ANKRD24: variants seen among roughly 807,000 people sequenced by gnomAD.
ANKRD24 encodes the protein ankyrin repeat domain 24, also known as ankyrin repeat domain-containing protein 24.
A neutral mutation model predicts 127.8 loss-of-function variants in ANKRD24; 109 were observed. The observed-to-expected ratio is 0.85, with a 90% CI of 0.73 to 1.00. The LOEUF (loss-of-function observed/expected upper bound fraction) is 1.00. Ranked by LOEUF, ANKRD24 falls within the 50% of genes least tolerant of loss-of-function variation. ANKRD24 has a pLI of 0.00. For missense variants in ANKRD24, 1,648 were observed against 1,570.2 expected (o/e 1.05, Z -0.84); for synonymous variants, 743 against 671.1 (o/e 1.11, Z -1.66).
chr19:4,219,975 C>A lies in ANKRD24; in HGVS notation c.3171+217C>A, dbSNP rs538715430. Among the ~76,000 whole-genome samples the A allele has an allele frequency of 1.1e-4, 16 of 152,266 alleles. No homozygotes were observed. In the South Asian group the frequency reaches 3.3e-3, roughly 32 times the overall value. On this transcript the variant is annotated intron_variant, in intron 19 of 21. Transcript: ENST00000318934. Reference sequence around the variant, plus strand: ...CAGGTACCAATTATAACCACAGTTACATTTATTTTATTTTTTTACTTGAGA... The same window carrying A: ...CAGGTACCAATTATAACCACAGTTAAATTTATTTTATTTTTTTACTTGAGA...
intron 5 of ANKRD24, 91 bp from the exon 6 acceptor site, chr19:4,201,934 GA>G (rs1427037669): frequency 1.1e-5 from 12 of 1,139,252 alleles, no homozygotes; most frequent in Non-Finnish European, 1.2e-5. Flanking sequence ...GCTAGACTCA[GA>G]AACTCATCAC....
chr19:4,224,248 C>T (rs1970618530), intron 21 of ANKRD24, 56 bp downstream of exon 21: 4 of 1,525,618 alleles, frequency 2.6e-6, no homozygotes, highest in Non-Finnish European at 3.6e-6. Flanking sequence ...CTGTTGCTCT[C>T]TGAGCCTCAG....
At chr19:4,211,003 T>C (rs959820768) in intron 13 of ANKRD24, among the ~76,000 whole-genome samples, 3 of 151,798 alleles carry the variant, frequency 2.0e-5, no homozygotes, top group Non-Finnish European at 4.4e-5. Context: ...CCAGCTAGTT[T>C]TGTATTTTTA....
intron 7 of ANKRD24, among the ~76,000 whole-genome samples, chr19:4,205,567 G>A (rs1033473336): frequency 6.6e-6 from 1 of 152,154 alleles, no homozygotes; most frequent in African/African-American, 2.4e-5. Flanking sequence ...AAATAGACAG[G>A]CCAGGCACAG....
chr19:4,215,999 T>C lies in ANKRD24; in HGVS notation c.1219T>C (p.Tyr407His). The change falls in exon 16 of 22, where the codon TAT (tyrosine) becomes CAT (histidine). Residue 407 changes from tyrosine (Y) to histidine (H), a missense_variant. Tyr to His is a moderately conservative substitution (Grantham distance 83, BLOSUM62 2). Coordinates refer to ENST00000318934, the MANE Select transcript of ANKRD24 (RefSeq NM_001393985.1). Reference protein sequence around the residue: ...LLENERENTSYDVTTLQDEEG... With the variant: ...LLENERENTSHDVTTLQDEEG... ...CCAGAACGAGCGGGAGAATACTAGCTATGACGTAACCACCCTGCAGGATGA... is the reference window on the plus strand; with the variant it reads ...CCAGAACGAGCGGGAGAATACTAGCCATGACGTAACCACCCTGCAGGATGA... 1 of 1,599,640 alleles carries C rather than the reference T, an allele frequency of 6.3e-7. No individual in the cohort carries two copies. Among genetic ancestry groups the C allele is most frequent in the Non-Finnish European group, 8.5e-7 (1 of 1,173,906 alleles).
chr19:4,222,615 CCT>C, intron 19 of ANKRD24, 53 bp from the exon 20 acceptor site: 3 of 1,513,436 alleles, frequency 2.0e-6, no homozygotes, highest in Non-Finnish European at 2.7e-6. Flanking sequence ...GCAGAGAGGT[CCT>C]CAGCCCCCAG....
intron 2 of ANKRD24, among the ~76,000 whole-genome samples, chr19:4,194,538 C>T (rs1432933308): frequency 2.6e-5 from 4 of 152,168 alleles, no homozygotes; most frequent in Admixed American, 6.6e-5. Flanking sequence ...ACGACTCACA[C>T]GTGTAAATAC....
chr19:4,207,991 A>G lies in ANKRD24; in HGVS notation c.832+23A>G, dbSNP rs777297305. On this transcript the variant is annotated intron_variant, in intron 10 of 21. Transcript: ENST00000318934. Reference sequence around the variant, plus strand: ...GCGGTATGCAAGCCCCACCTCCCCAATGCATTTGCTTCTTGGCAGCTTCTT... The same window carrying G: ...GCGGTATGCAAGCCCCACCTCCCCAGTGCATTTGCTTCTTGGCAGCTTCTT... 5.9e-5 allele frequency: 86 copies of G among 1,451,044 alleles called. No homozygotes were observed. In the East Asian group the frequency reaches 6.8e-4, roughly 12 times the overall value. The allele number at this position is 1,451,044 out of a possible 1,614,324, so 89.9% of individuals were successfully genotyped here.
In ANKRD24 at chr19:4,212,371, C is replaced by T. The variant is rs573774804; in HGVS notation, c.1060-104C>T. 22 of 1,344,184 alleles carry T rather than the reference C, an allele frequency of 1.6e-5. No homozygotes were observed. The African/African-American group carries it at 2.2e-4, about 13-fold the overall frequency. The allele number at this position is 1,344,184 out of a possible 1,614,324, so 83.3% of individuals were successfully genotyped here. ...ATTCAGTAGGTGCTGAATAGTTGCA[C>T]GTGGAATGCGTGAATGTGCATGGAA... On this transcript the variant is annotated intron_variant, in intron 13 of 21. Transcript: ENST00000318934.
At chr19:4,200,647 A>G (rs987168906) in intron 5 of ANKRD24, among the ~76,000 whole-genome samples, 1 of 152,034 alleles carries the variant, frequency 6.6e-6, no homozygotes, top group Non-Finnish European at 1.5e-5. Context: ...TCAGCCTCCC[A>G]AGTAGCTAGG....
chr19:4,202,755 G>T lies in ANKRD24; in HGVS notation c.409-114G>T, dbSNP rs750761174. On this transcript the variant is annotated intron_variant, in intron 6 of 21. Coordinates refer to ENST00000318934, the MANE Select transcript of ANKRD24 (RefSeq NM_001393985.1). The stretch of plus-strand genomic sequence containing the variant: ...TTCATGAAAATGGAGTCCCTTGGGG[G>T]CCACGGAAGGGTGAGGCTGAAGTAT... The T allele has an allele frequency of 1.1e-4, 117 of 1,091,964 alleles. 2 individuals are homozygous for T. The highest frequency in any genetic ancestry group is 7.9e-4 in the South Asian group (59 of 74,832). The allele number at this position is 1,091,964 out of a possible 1,614,324, so 67.6% of individuals were successfully genotyped here. A position where few individuals can be genotyped will look rare whatever the true frequency, so the allele number is the denominator to read the frequency against.
chr19:4,210,300 G>T lies in ANKRD24; in HGVS notation c.987G>T (p.Leu329=). ...DRDAYEEIVR[L]RQERGRLLQK... ...ATGCCTATGAGGAGATCGTGAGGCT[G>T]CGGCAGGAGAGGGGCCGCCTCCTGC... is the stretch of plus-strand genomic sequence containing the variant. Residue 329 remains leucine (L), a synonymous_variant, in exon 13 of 22, where the codon CTG becomes CTT. Transcript: ENST00000318934. The T allele has an allele frequency of 6.3e-7, 1 of 1,588,274 alleles. No individual in the cohort carries two copies. Among genetic ancestry groups the T allele is most frequent in the South Asian group, 1.2e-5 (1 of 86,948 alleles).
At position 4,217,919 on chromosome 19, in the gene ANKRD24, G is replaced by A. The variant is rs1370484629; in HGVS notation, c.2759G>A (p.Arg920His). Residue 920 changes from arginine to histidine, a missense_variant, in exon 18 of 22, where the codon CGC (arginine) becomes CAC (histidine). Arg to His is a conservative substitution (Grantham distance 29). Transcript: ENST00000318934. ...TCCGTGGTGCCGGCCTCTGAGCACCGCCGGCTGCAGGAGGAGGCCCTGGAG... is the reference window on the plus strand; with the variant it reads ...TCCGTGGTGCCGGCCTCTGAGCACCACCGGCTGCAGGAGGAGGCCCTGGAG... The part of the protein sequence containing the change: ...RQSVVPASEH[R>H]RLQEEALELR... 7 of 1,491,980 alleles carry A rather than the reference G, an allele frequency of 4.7e-6. No individual in the cohort carries two copies. Among genetic ancestry groups the A allele is most frequent in the Non-Finnish European group, 3.5e-6 (4 of 1,128,306 alleles). The allele number at this position is 1,491,980 out of a possible 1,614,324, so 92.4% of individuals were successfully genotyped here. A position where few individuals can be genotyped will look rare whatever the true frequency, so the allele number is the denominator to read the frequency against.
intron 7 of ANKRD24, among the ~76,000 whole-genome samples, chr19:4,204,670 G>A (rs1006747118): frequency 6.6e-6 from 1 of 152,176 alleles, no homozygotes; most frequent in Admixed American, 6.6e-5. Flanking sequence ...TTCAGGCATG[G>A]CTTTCGCTGA....
In ANKRD24 at chr19:4,217,269, G is replaced by GA. The variant is rs746611809; in HGVS notation, c.2110dup (p.Ile704AsnfsTer80). 1.7e-5 allele frequency: 27 copies of GA among 1,564,686 alleles called. No homozygotes were observed. Among genetic ancestry groups the GA allele is most frequent in the African/African-American group, 4.1e-5 (3 of 73,622 alleles). On this transcript the variant is annotated frameshift_variant, in exon 18 of 22. Coordinates refer to ENST00000318934, the MANE Select transcript of ANKRD24 (RefSeq NM_001393985.1). LOFTEE classifies it high-confidence loss of function. ...CAGGGGTAGAGGCCACGGTCCCGGG[G>GA]ATCTCTGCTGGCCCCATCCTACATC...
intron 15 of ANKRD24, among the ~76,000 whole-genome samples, chr19:4,213,142 C>G (rs1969844987): frequency 6.6e-6 from 1 of 152,008 alleles, no homozygotes; most frequent in Non-Finnish European, 1.5e-5. Flanking sequence ...AACAAACAAA[C>G]AGTCCCACAG....
intron 11 of ANKRD24, 68 bp downstream of exon 11, chr19:4,208,869 A>C: frequency 6.6e-7 from 1 of 1,520,082 alleles, no homozygotes; most frequent in South Asian, 1.2e-5. Flanking sequence ...CCCTGCCCCA[A>C]GCTCTGTGAG....
At chr19:4,190,307 C>T (rs74982068) in intron 2 of ANKRD24, among the ~76,000 whole-genome samples, 18,269 of 151,742 alleles carry the variant, frequency 0.12, 1,501 homozygotes, top group East Asian at 0.35. Flanking sequence ...TGGTGGCGGG[C>T]GCCTGTAGTC....
chr19:4,192,794 A>G (rs1161018221), intron 2 of ANKRD24, among the ~76,000 whole-genome samples: 6 of 151,244 alleles, frequency 4.0e-5, no homozygotes, highest in African/African-American at 1.5e-4. Flanking sequence ...TTAGTTGGGT[A>G]TGGTGGTGTG....
Sources: allele counts gnomAD v4.1 joint callset (sites outside exome capture counted in the v4.1 genomes callset), GRCh38; gene constraint gnomAD v4.1.1; transcripts MANE v1.5; gene names NCBI Gene and HGNC (gene_info 2026-07-23, HGNC 2026-07-21).